Variants in ZNF804B observed in about 807,000 individuals in gnomAD.
ZNF804B encodes the protein zinc finger 804B.
ZNF804B carries 80 observed loss-of-function variants against 101.4 expected under a neutral mutation model. The ratio of observed to expected loss-of-function variants is 0.79; its 90% CI spans 0.66 to 0.95. The LOEUF (loss-of-function observed/expected upper bound fraction) is 0.95, where lower values mean the gene tolerates loss of function less well. ZNF804B is among the 40% of genes least tolerant of loss of function. The probability of loss-of-function intolerance (pLI) is 0.00; values close to 1 mark genes in which losing one functional copy is unlikely to be tolerated. For synonymous variants in ZNF804B, 622 were observed against 558.8 expected, an observed-to-expected ratio of 1.11 and a Z score of -1.59; for missense variants, 1,673 against 1,561.9, an observed-to-expected ratio of 1.07 and a Z score of -1.20.
intron 2 of ZNF804B, among the ~76,000 whole-genome samples, chr7:89,311,666 C>G (rs780570679): frequency 2.0e-5 from 3 of 152,136 alleles, no homozygotes; most frequent in African/African-American, 7.2e-5. Context: ...TCTTATCATG[C>G]TATGAACATG....
At chr7:89,328,690 T>C (rs1790932036) in intron 3 of ZNF804B, among the ~76,000 whole-genome samples, 1 of 151,864 alleles carries the variant, frequency 6.6e-6, no homozygotes, top group South Asian at 2.1e-4. Context: ...CTAGGGAAAG[T>C]GTTAATTCCT....
chr7:88,813,395 A>G (rs1016862991), intron 1 of ZNF804B, among the ~76,000 whole-genome samples: 5 of 150,598 alleles, frequency 3.3e-5, no homozygotes, highest in African/African-American at 9.8e-5. Context: ...ACAGCACTCC[A>G]GCCTGGGCCA....
chr7:89,237,227 T>C (rs556648991), intron 2 of ZNF804B, among the ~76,000 whole-genome samples: 20 of 152,288 alleles, frequency 1.3e-4, no homozygotes, highest in African/African-American at 4.6e-4. Flanking sequence ...AAAATATGTG[T>C]ATATAGTTAG....
rs115528192 is a variant in ZNF804B at position 89,036,217 on chromosome 7, G to T, written c.109-181938G>T. Among the ~76,000 whole-genome samples the T allele has an allele frequency of 8.0e-3, 1,201 of 151,008 alleles. 14 individuals carry two copies. The highest frequency in any genetic ancestry group is 0.027 in the African/African-American group (1,113 of 41,286). On this transcript the variant is annotated intron_variant, in intron 1 of 3. Transcript: ENST00000333190. Reference sequence around the variant, plus strand: ...AAAATTCCGAATTATCCACTTATTAGTTATTTGCAAATTATTGACTTTATT... The same window carrying T: ...AAAATTCCGAATTATCCACTTATTATTTATTTGCAAATTATTGACTTTATT...
intron 1 of ZNF804B, among the ~76,000 whole-genome samples, chr7:89,054,632 G>A (rs938628345): frequency 1.3e-5 from 2 of 151,976 alleles, no homozygotes; most frequent in African/African-American, 4.8e-5. Context: ...CTGGCATAAA[G>A]CATTAGGAAA....
chr7:89,135,353 G>T (rs938342082), intron 1 of ZNF804B, among the ~76,000 whole-genome samples: 49 of 152,036 alleles, frequency 3.2e-4, no homozygotes, highest in Non-Finnish European at 4.1e-4. Context: ...TGCTTGAAAT[G>T]TCTATGCAAT....
At chr7:88,865,904 C>T (rs1279110094) in intron 1 of ZNF804B, among the ~76,000 whole-genome samples, 2 of 152,194 alleles carry the variant, frequency 1.3e-5, no homozygotes, top group Non-Finnish European at 2.9e-5. Flanking sequence ...TGGCATCCTG[C>T]CCTTCCCTGA....
chr7:89,036,769 C>T (rs1339286404), intron 1 of ZNF804B, among the ~76,000 whole-genome samples: 1 of 152,076 alleles, frequency 6.6e-6, no homozygotes, highest in Non-Finnish European at 1.5e-5. Context: ...CCCTTCCAAT[C>T]ACTAGGAGTC....
intron 1 of ZNF804B, among the ~76,000 whole-genome samples, chr7:88,958,460 A>G (rs1043639511): frequency 3.3e-5 from 5 of 151,470 alleles, no homozygotes; most frequent in African/African-American, 1.2e-4. Flanking sequence ...ACTTGTGGCA[A>G]GTAATAATAG....
At chr7:89,195,797 T>C (rs1019289303) in intron 1 of ZNF804B, among the ~76,000 whole-genome samples, 10 of 151,498 alleles carry the variant, frequency 6.6e-5, no homozygotes, top group Admixed American at 5.3e-4. Flanking sequence ...GAACTCCCAT[T>C]CACAATTGCT....
rs922545501 is a variant in ZNF804B, at chr7:89,335,022, C to T, written c.2040C>T (p.Asn680=). The T allele has an allele frequency of 6.2e-7, 1 of 1,613,804 alleles. No individual in the cohort carries two copies. The highest frequency in any genetic ancestry group is 8.5e-7 in the Non-Finnish European group (1 of 1,179,912). ...ACTTCAGTGTAATTTTGAAGAGTAA[C>T]CACATCAGCATGACCAGCAAGGTTT... ...GKDFSVILKS[N]HISMTSKVSG... is the part of the protein sequence containing the mutation. The change falls in exon 4 of 4, where the codon AAC becomes AAT. Residue 680 remains asparagine (N), a synonymous_variant. Coordinates refer to ENST00000333190, the MANE Select transcript of ZNF804B (RefSeq NM_181646.5).
intron 1 of ZNF804B, among the ~76,000 whole-genome samples, chr7:89,096,359 TA>T (rs1789972468): frequency 6.6e-6 from 1 of 151,996 alleles, no homozygotes; most frequent in South Asian, 2.1e-4. Context: ...AGGTAGAGAA[TA>T]ATCATAAAGG....
At chr7:89,023,106 A>C (rs559500500) in intron 1 of ZNF804B, among the ~76,000 whole-genome samples, 1 of 152,338 alleles carries the variant, frequency 6.6e-6, no homozygotes, top group Non-Finnish European at 1.5e-5. Flanking sequence ...TTGTTTCTTC[A>C]TATATTAGTA....
At chr7:89,269,765 G>A (rs1789855002) in intron 2 of ZNF804B, among the ~76,000 whole-genome samples, 2 of 152,202 alleles carry the variant, frequency 1.3e-5, no homozygotes, top group Admixed American at 6.5e-5. Flanking sequence ...TCTAACTGGT[G>A]TGAGATGGTA....
In ZNF804B at chr7:89,337,429, T is replaced by G. The variant is rs549043396; in HGVS notation, c.*397T>G. ...GTTGTGTGAATGAATGAGTGTTGAT[T>G]TGGCTTATTTGTTAGATAATAAAAG... is the stretch of plus-strand genomic sequence containing the variant. On this transcript the variant is annotated 3_prime_UTR_variant, in exon 4 of 4. Coordinates refer to ENST00000333190, the MANE Select transcript of ZNF804B (RefSeq NM_181646.5). 6.6e-6 allele frequency among the ~76,000 whole-genome samples: 1 copy of G among 152,110 alleles called. No homozygotes were observed. Among genetic ancestry groups the G allele is most frequent in the South Asian group, 2.1e-4 (1 of 4,832 alleles).
chr7:88,816,116 A>G (rs1211782619), intron 1 of ZNF804B, among the ~76,000 whole-genome samples: 1 of 151,590 alleles, frequency 6.6e-6, no homozygotes, highest in Non-Finnish European at 1.5e-5. Context: ...TTCCTCTTGC[A>G]TGAATGTCCT....
chr7:88,983,615 A>C (rs1793721503), intron 1 of ZNF804B, among the ~76,000 whole-genome samples: 1 of 152,096 alleles, frequency 6.6e-6, no homozygotes, highest in African/African-American at 2.4e-5. Flanking sequence ...AGACAGTATG[A>C]CAAGGCAGCA....
At chr7:89,030,652 G>A (rs570453400) in intron 1 of ZNF804B, among the ~76,000 whole-genome samples, 15 of 152,132 alleles carry the variant, frequency 9.9e-5, no homozygotes, top group African/African-American at 3.6e-4. Context: ...TTAGAAAACG[G>A]TGTTTTCCAT....
rs146757035 is a variant in ZNF804B at position 89,022,438 on chromosome 7, A to T, written c.109-195717A>T. On this transcript the variant is annotated intron_variant, in intron 1 of 3. Transcript: ENST00000333190. ...GGTGGAGATGATCCTGATTTTCTTT[A>T]TTATCCGGTTATGTCTTTGTTTTTA... Among the ~76,000 whole-genome samples, 731 of 152,192 alleles carry T rather than the reference A, an allele frequency of 4.8e-3. 7 individuals are homozygous for T. Among genetic ancestry groups the T allele is most frequent in the African/African-American group, 0.016 (672 of 41,540 alleles).
Sources: allele counts gnomAD v4.1 joint callset (sites outside exome capture counted in the v4.1 genomes callset), GRCh38; gene constraint gnomAD v4.1.1; transcripts MANE v1.5; gene names NCBI Gene and HGNC (gene_info 2026-07-23, HGNC 2026-07-21).